The following COG5 variants were observed in gnomAD, a reference collection of about 807,000 sequenced individuals.
COG5 encodes the protein conserved oligomeric Golgi complex subunit 5.
COG5 carries 86 observed loss-of-function variants against 110.4 expected under a neutral mutation model. The ratio of observed to expected loss-of-function variants is 0.78; its 90% CI spans 0.65 to 0.93. The LOEUF (loss-of-function observed/expected upper bound fraction) is 0.93. COG5 is among the 40% of genes least tolerant of loss of function. COG5 has a pLI of 0.00. For missense variants in COG5, 1,077 were observed against 987.0 expected, an observed-to-expected ratio of 1.09 and a Z score of -1.22; for synonymous variants, 360 against 334.6, an observed-to-expected ratio of 1.08 and a Z score of -0.83.
chr7:107,233,959 TA>T (rs1255646569), intron 18 of COG5, among the ~76,000 whole-genome samples: 4 of 152,186 alleles, frequency 2.6e-5, no homozygotes, highest in Non-Finnish European at 4.4e-5. Context: ...AATTTTAATT[TA>T]AAAAGTGGGT....
intron 10 of COG5, among the ~76,000 whole-genome samples, chr7:107,360,842 T>C (rs562100029): frequency 7.2e-5 from 11 of 152,152 alleles, no homozygotes; most frequent in Non-Finnish European, 1.3e-4. Flanking sequence ...GGGTCTGGGC[T>C]GGTAGTGTGA....
At chr7:107,222,569 A>G (rs780487051) in intron 19 of COG5, among the ~76,000 whole-genome samples, 3 of 152,180 alleles carry the variant, frequency 2.0e-5, no homozygotes, top group Non-Finnish European at 2.9e-5. Context: ...TTGACTCTGT[A>G]TTGTGCATCA....
chr7:107,267,540 G>A (rs1459656496), intron 14 of COG5, among the ~76,000 whole-genome samples: 1 of 152,122 alleles, frequency 6.6e-6, no homozygotes, highest in African/African-American at 2.4e-5. Context: ...AATGAATACT[G>A]TAAGTAATTT....
At chr7:107,483,217 T>C (rs1797450631) in intron 6 of COG5, among the ~76,000 whole-genome samples, 1 of 152,206 alleles carries the variant, frequency 6.6e-6, no homozygotes, top group African/African-American at 2.4e-5. Flanking sequence ...GCAAATGGTA[T>C]TACGGAAACA....
chr7:107,465,779 T>C (rs893007487), intron 6 of COG5, among the ~76,000 whole-genome samples: 3 of 152,202 alleles, frequency 2.0e-5, no homozygotes, highest in South Asian at 4.1e-4. Flanking sequence ...CTACAGCCTA[T>C]AGTAAAACTC....
At chr7:107,410,035 G>GT (rs776875891) in intron 7 of COG5, among the ~76,000 whole-genome samples, 3 of 152,168 alleles carry the variant, frequency 2.0e-5, no homozygotes, top group Non-Finnish European at 4.4e-5. Flanking sequence ...TTTTGTTTTT[G>GT]TTTTTTAAGA....
intron 1 of COG5, among the ~76,000 whole-genome samples, chr7:107,559,874 A>T (rs2253146): frequency 6.6e-6 from 1 of 152,134 alleles, no homozygotes; most frequent in East Asian, 1.9e-4. Flanking sequence ...ATCATAGCAC[A>T]TGTATATTGG....
chr7:107,287,908 C>A (rs928306243), intron 12 of COG5, among the ~76,000 whole-genome samples: 9 of 152,032 alleles, frequency 5.9e-5, no homozygotes, highest in Non-Finnish European at 1.0e-4. Flanking sequence ...TTTGTTTACC[C>A]ATTTGTCTGT....
At chr7:107,416,858 C>G (rs1189127286) in intron 6 of COG5, among the ~76,000 whole-genome samples, 2 of 152,070 alleles carry the variant, frequency 1.3e-5, no homozygotes, top group Non-Finnish European at 2.9e-5. Flanking sequence ...TAACTGGTAA[C>G]TGGATAAAAG....
chr7:107,538,101 G>C (rs1801721013), intron 5 of COG5, among the ~76,000 whole-genome samples: 1 of 152,124 alleles, frequency 6.6e-6, no homozygotes, highest in African/African-American at 2.4e-5. Context: ...CAATAGAAAA[G>C]GGCTACCTGG....
intron 7 of COG5, among the ~76,000 whole-genome samples, chr7:107,388,278 T>C (rs531829596): frequency 1.1e-3 from 167 of 152,228 alleles, no homozygotes; most frequent in Non-Finnish European, 2.1e-3. Flanking sequence ...CGTATATCCA[T>C]TGATACCAAT....
chr7:107,493,801 G>A (rs1798108157), intron 6 of COG5, among the ~76,000 whole-genome samples: 1 of 152,096 alleles, frequency 6.6e-6, no homozygotes, highest in African/African-American at 2.4e-5. Flanking sequence ...CAAAGACTAT[G>A]AAAAAGGTGT....
intron 6 of COG5, among the ~76,000 whole-genome samples, chr7:107,519,858 C>T (rs145980138): frequency 0.014 from 2,185 of 152,166 alleles, 58 homozygotes; most frequent in African/African-American, 0.049. Context: ...AAACTTCAGG[C>T]GAATATCCCT....
Position 107,283,829 on chromosome 7 carries a change from CATAAA to C in COG5, c.1314-102_1314-98del, listed in dbSNP as rs1454121244. 4 of 824,548 alleles carry C rather than the reference CATAAA, an allele frequency of 4.9e-6. No homozygotes were observed. The African/African-American group carries it at 6.8e-5, about 14-fold the overall frequency. The allele number at this position is 824,548 out of a possible 1,614,324, so 51.1% of individuals were successfully genotyped here. ...ATACCTTTTTAAAAAATGCACCTCC[CATAAA>C]AATGTAACTCTATATTAAGAAAAAG... On this transcript the variant is annotated intron_variant, in intron 12 of 21. Coordinates refer to ENST00000297135, the MANE Select transcript of COG5 (RefSeq NM_006348.5).
chr7:107,248,580 A>T lies in COG5; in HGVS notation c.1750-81T>A. 9.1e-6 allele frequency: 8 copies of T among 882,746 alleles called. No homozygotes were observed. The South Asian group carries it at 1.1e-4, about 13-fold the overall frequency. 54.7% of individuals were successfully genotyped at this position (882,746 alleles called of 1,614,324 possible). ...CAAAGAAATTTGAGATGTGAGAAACACCGTGACTAACAGTTTTCATATTAT... is the reference window on the plus strand; with the variant it reads ...CAAAGAAATTTGAGATGTGAGAAACTCCGTGACTAACAGTTTTCATATTAT... On this transcript the variant is annotated intron_variant, in intron 16 of 21. Coordinates refer to ENST00000297135, the MANE Select transcript of COG5 (RefSeq NM_006348.5).
chr7:107,320,236 C>T (rs935798775), intron 11 of COG5, among the ~76,000 whole-genome samples: 2 of 152,104 alleles, frequency 1.3e-5, no homozygotes, highest in South Asian at 4.1e-4. Flanking sequence ...CTACCTTATG[C>T]TGGAATAATT....
chr7:107,460,416 C>T (rs1795918463), intron 6 of COG5, among the ~76,000 whole-genome samples: 1 of 151,820 alleles, frequency 6.6e-6, no homozygotes, highest in East Asian at 1.9e-4. Context: ...AAACAACATA[C>T]TTTGAAATAA....
At position 107,210,579 on chromosome 7, in the gene COG5, G is replaced by T. The variant is rs966232647; in HGVS notation, c.2322C>A (p.Phe774Leu). 3.1e-6 allele frequency: 5 copies of T among 1,604,924 alleles called. No homozygotes were observed. The African/African-American group carries it at 5.3e-5, about 17-fold the overall frequency. ...FQRAEWSHTR[F>L]SQWLDDHPSE... ...ATGGATGGTCATCCAGCCACTGAGA[G>T]AAGCGTGTGTGGGACCACTCTGCCC... Residue 774 changes from phenylalanine (F) to leucine (L), a missense_variant, in exon 21 of 22, where the codon TTC (phenylalanine) becomes TTA (leucine). By Grantham distance (22) the Phe-to-Leu change is conservative. Transcript: ENST00000297135.
At chr7:107,232,900 T>G (rs1800882551) in intron 18 of COG5, among the ~76,000 whole-genome samples, 1 of 152,158 alleles carries the variant, frequency 6.6e-6, no homozygotes, top group Non-Finnish European at 1.5e-5. Flanking sequence ...ATTACATAGC[T>G]GTTCCTTCCC....
Sources: allele counts gnomAD v4.1 joint callset (sites outside exome capture counted in the v4.1 genomes callset), GRCh38; gene constraint gnomAD v4.1.1; transcripts MANE v1.5; gene names NCBI Gene and HGNC (gene_info 2026-07-23, HGNC 2026-07-21).